The following FOXP2 variants were observed in gnomAD, a reference collection of about 807,000 sequenced individuals.
The protein encoded by FOXP2 is forkhead box P2.
A neutral mutation model predicts 115.8 loss-of-function variants in FOXP2; 12 were observed. The ratio of observed to expected loss-of-function variants is 0.10; its 90% confidence interval spans 0.07 to 0.17. FOXP2 has a LOEUF of 0.17. FOXP2 is among the 10% of genes least tolerant of loss of function. The pLI is 1.00. For missense variants in FOXP2, 629 were observed against 843.5 expected (o/e 0.75, Z 3.15); for synonymous variants, 328 against 297.7 (o/e 1.10, Z -1.05).
At chr7:114,460,280 T>C (rs1227003831) in intron 2 of FOXP2, among the ~76,000 whole-genome samples, 1 of 152,198 alleles carries the variant, frequency 6.6e-6, no homozygotes, top group Non-Finnish European at 1.5e-5. Context: ...TAGGTTTGTT[T>C]AGTCAGATTT....
At chr7:114,288,059 C>T (rs1254043854) in exon 2 of FOXP2, 3 of 453,316 alleles carry the variant, frequency 6.6e-6, no homozygotes. Context: ...TTTCCTAGGA[C>T]TCCGTTTCAA....
At chr7:114,675,941 G>A (rs1158409517) in intron 16 of FOXP2, among the ~76,000 whole-genome samples, 2 of 151,094 alleles carry the variant, frequency 1.3e-5, no homozygotes, top group Admixed American at 6.6e-5. Context: ...ACGGAGTCCC[G>A]CTGTGTAGCC....
intron 1 of FOXP2, among the ~76,000 whole-genome samples, chr7:114,415,749 T>A (rs1793311920): frequency 6.6e-6 from 1 of 151,976 alleles, no homozygotes; most frequent in South Asian, 2.1e-4. Flanking sequence ...GCGCAAGTTT[T>A]TGAAAAGGGA....
At chr7:114,679,617 A>G (rs925124215) in intron 16 of FOXP2, among the ~76,000 whole-genome samples, 1 of 152,020 alleles carries the variant, frequency 6.6e-6, no homozygotes, top group Non-Finnish European at 1.5e-5. Flanking sequence ...ACAAACACAC[A>G]CATTATCACC....
intron 2 of FOXP2, among the ~76,000 whole-genome samples, chr7:114,479,249 A>G (rs531481299): frequency 6.6e-6 from 1 of 151,788 alleles, no homozygotes; most frequent in South Asian, 2.1e-4. Flanking sequence ...GCTTTTTGTA[A>G]AAGTAGGTTA....
intron 16 of FOXP2, chr7:114,665,227 A>G (rs1807101142): frequency 6.6e-6 from 1 of 152,116 alleles, no homozygotes; most frequent in African/African-American, 2.4e-5. Context: ...ACTAAAATGT[A>G]TTGACCGTGG....
chr7:114,511,479 T>C (rs1387881392), intron 2 of FOXP2, among the ~76,000 whole-genome samples: 2 of 152,158 alleles, frequency 1.3e-5, no homozygotes, highest in Non-Finnish European at 2.9e-5. Flanking sequence ...AGCTTTTGCA[T>C]CAGTGAGTGT....
intron 1 of FOXP2, among the ~76,000 whole-genome samples, chr7:114,197,973 T>C (rs1793954943): frequency 6.6e-6 from 1 of 151,906 alleles, no homozygotes; most frequent in Admixed American, 6.6e-5. Context: ...CAAGCGATCC[T>C]CCCACCTCAG....
At chr7:114,401,071 T>C (rs1423237324) in intron 2 of FOXP2, among the ~76,000 whole-genome samples, 1 of 151,992 alleles carries the variant, frequency 6.6e-6, no homozygotes, top group Non-Finnish European at 1.5e-5. Flanking sequence ...CTAGGGAATG[T>C]AGAGGGTGAG....
Position 114,294,151 on chromosome 7 carries a change from C to T in FOXP2, c.-11+6042C>T, listed in dbSNP as rs17136908. On this transcript the variant is annotated intron_variant, in intron 2 of 17. Coordinates refer to the FOXP2 transcript ENST00000634411. Reference sequence around the variant, plus strand: ...GAAATGTTTAGATTCACCTGGAATACTGATTTTGCAACATGCAGAAGCTGC... The same window carrying T: ...GAAATGTTTAGATTCACCTGGAATATTGATTTTGCAACATGCAGAAGCTGC... 1.9e-3 allele frequency among the ~76,000 whole-genome samples: 287 copies of T among 152,240 alleles called. 2 individuals are homozygous for T. The highest frequency in any genetic ancestry group is 0.018 in the East Asian group (93 of 5,180).
upstream of FOXP2, among the ~76,000 whole-genome samples, chr7:114,410,780 T>G (rs1049602666): frequency 6.6e-6 from 1 of 152,036 alleles, no homozygotes; most frequent in Non-Finnish European, 1.5e-5. Context: ...TTTCCGAACT[T>G]GCATCTCTCA....
chr7:114,330,646 T>G (rs868729553), intron 2 of FOXP2, among the ~76,000 whole-genome samples: 7 of 152,016 alleles, frequency 4.6e-5, no homozygotes, highest in Non-Finnish European at 7.4e-5. Flanking sequence ...GAAACTTATA[T>G]GAATCATAAA....
At chr7:114,357,011 G>A (rs968020944) in intron 2 of FOXP2, among the ~76,000 whole-genome samples, 1 of 152,116 alleles carries the variant, frequency 6.6e-6, no homozygotes, top group African/African-American at 2.4e-5. Context: ...TAAATGAGAA[G>A]CCTTGATCAC....
At chr7:114,252,892 C>A (rs1795490386) in intron 1 of FOXP2, among the ~76,000 whole-genome samples, 1 of 152,092 alleles carries the variant, frequency 6.6e-6, no homozygotes. Flanking sequence ...GTTAGGGTGT[C>A]AATTTTAGAT....
upstream of FOXP2, among the ~76,000 whole-genome samples, chr7:114,412,273 G>A (rs1331528464): frequency 6.6e-6 from 1 of 152,034 alleles, no homozygotes; most frequent in Non-Finnish European, 1.5e-5. Context: ...TAAAATGAAA[G>A]GAGTTTTACT....
chr7:114,261,777 T>C (rs1201256277), intron 1 of FOXP2, among the ~76,000 whole-genome samples: 2 of 152,128 alleles, frequency 1.3e-5, no homozygotes, highest in Non-Finnish European at 2.9e-5. Flanking sequence ...TTAGAATAAG[T>C]ACATTGGCCT....
In FOXP2 at chr7:114,170,672, A is replaced by G. The variant is rs1483647300; in HGVS notation, c.-102+7584A>G. Among the ~76,000 whole-genome samples the G allele has an allele frequency of 2.0e-5, 3 of 152,242 alleles. No individual in the cohort carries two copies. In the East Asian group the frequency reaches 5.8e-4, roughly 29 times the overall value. On this transcript the variant is annotated intron_variant, in intron 1 of 17. Coordinates refer to the FOXP2 transcript ENST00000634411. ...TGGAGAAAAGATCAAGCCAGCCACA[A>G]CATTCCCCTAAGCCAAAGCCTAATA...
chr7:114,130,104 A>T (rs998685194), intron 1 of FOXP2, among the ~76,000 whole-genome samples: 3 of 152,136 alleles, frequency 2.0e-5, no homozygotes, highest in Non-Finnish European at 4.4e-5. Flanking sequence ...GCTTGAGCCC[A>T]GGAGTTCAAG....
chr7:114,483,663 TA>T (rs34267503), intron 2 of FOXP2, among the ~76,000 whole-genome samples: 1 of 151,762 alleles, frequency 6.6e-6, no homozygotes. Context: ...TGACGTTTTT[TA>T]AAAAGGTTAA....
Sources: allele counts gnomAD v4.1 joint callset (sites outside exome capture counted in the v4.1 genomes callset), GRCh38; gene constraint gnomAD v4.1.1; transcripts MANE v1.5; gene names NCBI Gene and HGNC (gene_info 2026-07-23, HGNC 2026-07-21).